MTCL2: variants seen among roughly 807,000 people sequenced by gnomAD.
MTCL2 encodes microtubule crosslinking factor 2.
chr20:36,779,537 CG>C, the MTCL2 span: 24 of 152,360 alleles, frequency 1.6e-4, no homozygotes, highest in Non-Finnish European at 3.4e-4. Context: ...AGGGTGGCAC[CG>C]GGGGGTTGCT....
the MTCL2 span, among the ~76,000 whole-genome samples, chr20:36,854,314 C>G: frequency 6.6e-6 from 1 of 152,140 alleles, no homozygotes; most frequent in African/African-American, 2.4e-5. Flanking sequence ...GGCATGAAAC[C>G]TATCATTACC....
chr20:36,840,820 T>G, the MTCL2 span, among the ~76,000 whole-genome samples: 2 of 151,408 alleles, frequency 1.3e-5, no homozygotes, highest in Non-Finnish European at 2.9e-5. Context: ...CACCCCAGCC[T>G]GGGCGACAGA....
At chr20:36,811,757 G>A in the MTCL2 span, among the ~76,000 whole-genome samples, 1 of 152,094 alleles carries the variant, frequency 6.6e-6, no homozygotes, top group Non-Finnish European at 1.5e-5. Flanking sequence ...TGATCCATCA[G>A]CTTCAAGTGA....
the MTCL2 span, among the ~76,000 whole-genome samples, chr20:36,803,972 AAAAAAAAAGG>A: frequency 3.3e-5 from 5 of 151,260 alleles, no homozygotes; most frequent in East Asian, 3.9e-4. Context: ...AAAAAAAAAA[AAAAAAAAAGG>A]AGGTGGAATT....
chr20:36,807,865 CTTTTTTT>C, the MTCL2 span, among the ~76,000 whole-genome samples: 3 of 53,540 alleles, frequency 5.6e-5, no homozygotes, highest in Admixed American at 2.5e-4. Context: ...GAAACCCTGT[CTTTTTTT>C]TTTTTTTTTT....
the MTCL2 span, among the ~76,000 whole-genome samples, chr20:36,801,327 C>T: frequency 6.6e-6 from 1 of 152,030 alleles, no homozygotes; most frequent in African/African-American, 2.4e-5. Context: ...ATAAGGAAGG[C>T]CTCCATACTC....
chr20:36,841,521 T>A, the MTCL2 span, among the ~76,000 whole-genome samples: 5 of 149,910 alleles, frequency 3.3e-5, no homozygotes, highest in Admixed American at 6.6e-5. Context: ...GGGGGAGAGG[T>A]TATTCCAGGC....
the MTCL2 span, chr20:36,816,129 G>A: frequency 3.1e-6 from 5 of 1,613,544 alleles, no homozygotes; most frequent in Admixed American, 6.7e-5. Context: ...CGAGTGGGGG[G>A]CATCGGCCAG....
the MTCL2 span, among the ~76,000 whole-genome samples, chr20:36,799,212 C>T: frequency 1.1e-4 from 16 of 151,814 alleles, no homozygotes; most frequent in Non-Finnish European, 5.9e-5. Flanking sequence ...CAAAAGTTGC[C>T]GGGCACGGTG....
At chr20:36,832,057 G>A in the MTCL2 span, among the ~76,000 whole-genome samples, 3 of 152,220 alleles carry the variant, frequency 2.0e-5, no homozygotes, top group Non-Finnish European at 4.4e-5. Context: ...CAGCAGCAGC[G>A]CAGCGTCAGG....
chr20:36,784,109 G>T, the MTCL2 span: 1 of 985,664 alleles, frequency 1.0e-6, no homozygotes, highest in Non-Finnish European at 1.2e-6. Context: ...ATTTCTCCCC[G>T]AGGCTGAGTA....
chr20:36,791,992 T>C, the MTCL2 span, among the ~76,000 whole-genome samples: 1 of 152,206 alleles, frequency 6.6e-6, no homozygotes, highest in African/African-American at 2.4e-5. Flanking sequence ...CTAATTAACT[T>C]ATAAGAAACT....
the MTCL2 span, among the ~76,000 whole-genome samples, chr20:36,791,555 C>T: frequency 6.6e-6 from 1 of 152,212 alleles, no homozygotes; most frequent in African/African-American, 2.4e-5. Context: ...CTGTGCCCCA[C>T]AGCAGACCAC....
chr20:36,837,547 CATT>C, the MTCL2 span, among the ~76,000 whole-genome samples: 37,010 of 124,714 alleles, frequency 0.3, 5,408 homozygotes, highest in African/African-American at 0.44. Context: ...ATTTTACCCA[CATT>C]ATTATTATTA....
At chr20:36,812,654 CA>C in the MTCL2 span, 60 of 1,599,074 alleles carry the variant, frequency 3.8e-5, no homozygotes, top group Middle Eastern at 2.5e-3. Flanking sequence ...TGACAGGGCT[CA>C]GTCACTCTCC....
chr20:36,790,968 G>A, the MTCL2 span, among the ~76,000 whole-genome samples: 7 of 152,158 alleles, frequency 4.6e-5, no homozygotes, highest in Non-Finnish European at 1.0e-4. Flanking sequence ...ACTGCTGGAA[G>A]CTGTAGATAT....
the MTCL2 span, among the ~76,000 whole-genome samples, chr20:36,806,421 C>T: frequency 1.3e-5 from 2 of 152,184 alleles, no homozygotes; most frequent in South Asian, 2.1e-4. Flanking sequence ...CAGGCGCGAG[C>T]CACCATGCCC....
the MTCL2 span, chr20:36,786,058 T>C: frequency 2.0e-6 from 2 of 986,402 alleles, no homozygotes; most frequent in South Asian, 4.7e-5. Context: ...TCCTCCCAAA[T>C]GAAGGGGTGG....
At chr20:36,794,377 C>A in the MTCL2 span, 1 of 1,612,462 alleles carries the variant, frequency 6.2e-7, no homozygotes, top group East Asian at 2.2e-5. The surrounding 1 kb of genome is among the most constrained non-coding windows in gnomAD (Gnocchi z 5.4). Flanking sequence ...GCATCTGCCT[C>A]CCTGGGGGGT....
Sources: allele counts gnomAD v4.1 joint callset (sites outside exome capture counted in the v4.1 genomes callset), GRCh38; gene constraint gnomAD v4.1.1; non-coding constraint Gnocchi (gnomAD v3.1); transcripts MANE v1.5; gene names NCBI Gene and HGNC (gene_info 2026-07-23, HGNC 2026-07-21).